PTP4A2: variants seen among roughly 807,000 people sequenced by gnomAD.
PTP4A2 encodes the protein protein tyrosine phosphatase 4A2.
A neutral mutation model predicts 22.9 loss-of-function variants in PTP4A2; 2 were observed. That is an observed-to-expected ratio of 0.09 (90% CI 0.04 to 0.27). The LOEUF (loss-of-function observed/expected upper bound fraction) is 0.27. Among genes scored for constraint, PTP4A2 ranks in the 10% least tolerant of loss-of-function variants. The pLI is 1.00. For missense variants in PTP4A2, 103 were observed against 205.1 expected (o/e 0.50, Z 3.04); for synonymous variants, 68 against 69.1 (o/e 0.98, Z 0.08).
At chr1:31,931,099 A>C (rs1652706663) in intron 1 of PTP4A2, 1 of 152,254 alleles carries the variant, frequency 6.6e-6, no homozygotes, top group Admixed American at 6.5e-5. Flanking sequence ...AAGCATTTGC[A>C]GAGACGTGTG....
intron 5 of PTP4A2, 102 bp from the exon 6 acceptor site, chr1:31,909,062 C>A: frequency 3.6e-6 from 3 of 830,194 alleles, no homozygotes; most frequent in East Asian, 5.0e-5. Flanking sequence ...TTCCACACAG[C>A]TGAAAACCAG....
At chr1:31,932,681 G>A (rs1209361550) in intron 1 of PTP4A2, 1 of 152,194 alleles carries the variant, frequency 6.6e-6, no homozygotes, top group Non-Finnish European at 1.5e-5. Flanking sequence ...CCTAAGTCCT[G>A]GTAACTCCAC....
chr1:31,926,320 T>C (rs1211174833), intron 1 of PTP4A2, among the ~76,000 whole-genome samples: 1 of 151,192 alleles, frequency 6.6e-6, no homozygotes, highest in South Asian at 2.1e-4. Flanking sequence ...AAAGGTACAA[T>C]AAAAGAATTC....
At chr1:31,916,056 C>T (rs953359117) in intron 2 of PTP4A2, 69 bp from the exon 3 acceptor site, 3 of 1,077,562 alleles carry the variant, frequency 2.8e-6, no homozygotes, top group Non-Finnish European at 4.0e-6. Flanking sequence ...TAGAAATGTA[C>T]TATTATAGGC....
At chr1:31,909,909 T>C in intron 5 of PTP4A2, 129 bp downstream of exon 5, 1 of 728,108 alleles carries the variant, frequency 1.4e-6, no homozygotes, top group Non-Finnish European at 2.2e-6. Context: ...ATTTTTTACA[T>C]CTTCAAATAA....
At chr1:31,917,239 T>G (rs1569597830) in intron 2 of PTP4A2, among the ~76,000 whole-genome samples, 1 of 152,212 alleles carries the variant, frequency 6.6e-6, no homozygotes, top group East Asian at 1.9e-4. Context: ...AGAATCAACT[T>G]GTACGCTGTG....
Position 31,916,001 on chromosome 1 carries a change from A to G in PTP4A2, c.97-14T>C. The G allele has an allele frequency of 6.5e-7, 1 of 1,533,518 alleles. No individual in the cohort carries two copies. 95.0% of individuals were successfully genotyped at this position (1,533,518 alleles called of 1,614,324 possible). On this transcript the variant is annotated splice_polypyrimidine_tract_variant and intron_variant, in intron 2 of 5. Transcript: ENST00000647444. ...CTTCTTAAGTTCCTTTAAAAAAAAA[A>G]AAAATTATAATGGAACTTGTTTTTG...
chr1:31,910,911 A>T (rs1569575507), intron 4 of PTP4A2: 1 of 152,232 alleles, frequency 6.6e-6, no homozygotes, highest in African/African-American at 2.4e-5. Flanking sequence ...CTATCTTTTT[A>T]AAAAAATTTA....
At chr1:31,915,351 C>A (rs1348387517) in intron 3 of PTP4A2, among the ~76,000 whole-genome samples, 2 of 151,734 alleles carry the variant, frequency 1.3e-5, no homozygotes, top group Non-Finnish European at 2.9e-5. Context: ...GTATTACTGC[C>A]AGGGTTTTTT....
Position 31,907,908 on chromosome 1 carries a change from C to T in PTP4A2, c.*944G>A, listed in dbSNP as rs1651262310. The stretch of plus-strand genomic sequence containing the variant: ...AGAAGACAAGTTTCTGGGATAACCA[C>T]TTAGCTTCATTGGTTAGGGAAGAGA... On this transcript the variant is annotated 3_prime_UTR_variant, in exon 6 of 6. Coordinates refer to ENST00000647444, the MANE Select transcript of PTP4A2 (RefSeq NM_080391.4). 6.6e-6 allele frequency: 1 copy of T among 151,220 alleles called. No homozygotes were observed. The highest frequency in any genetic ancestry group is 1.5e-5 in the Non-Finnish European group (1 of 67,878). The allele number at this position is 151,220 out of a possible 1,614,324, so 9.4% of individuals were successfully genotyped here.
chr1:31,922,580 A>AGGTT (rs1317265605), intron 1 of PTP4A2, among the ~76,000 whole-genome samples: 4 of 148,796 alleles, frequency 2.7e-5, no homozygotes, highest in Non-Finnish European at 4.5e-5. Context: ...ACAAAAACCC[A>AGGTT]GGTTTGTTTC....
intron 5 of PTP4A2, among the ~76,000 whole-genome samples, chr1:31,909,373 T>C (rs552396943): frequency 1.9e-4 from 29 of 152,178 alleles, no homozygotes; most frequent in African/African-American, 7.0e-4. Context: ...CCTGAATAGA[T>C]CACTTAAGAG....
intron 5 of PTP4A2, among the ~76,000 whole-genome samples, chr1:31,909,800 A>G (rs1053961516): frequency 1.3e-5 from 2 of 152,192 alleles, no homozygotes; most frequent in Non-Finnish European, 2.9e-5. Context: ...AGATTCCTAG[A>G]TACTCAAAAC....
At chr1:31,912,478 G>A (rs1177120087) in intron 3 of PTP4A2, among the ~76,000 whole-genome samples, 3 of 152,154 alleles carry the variant, frequency 2.0e-5, no homozygotes, top group African/African-American at 7.2e-5. Flanking sequence ...CTGGGCAAAT[G>A]GAGACCATTT....
intron 1 of PTP4A2, among the ~76,000 whole-genome samples, chr1:31,937,439 G>A (rs1445498899): frequency 6.6e-6 from 1 of 151,724 alleles, no homozygotes; most frequent in African/African-American, 2.4e-5. Flanking sequence ...CCAAGGGGAA[G>A]GGCCTCTAGG....
chr1:31,927,131 A>AGCCC (rs1652502050), intron 1 of PTP4A2, among the ~76,000 whole-genome samples: 2 of 152,226 alleles, frequency 1.3e-5, no homozygotes, highest in African/African-American at 2.4e-5. Flanking sequence ...CTCCAAATGA[A>AGCCC]GCCAATGAAG....
chr1:31,930,550 TG>T (rs1652683225), intron 1 of PTP4A2, among the ~76,000 whole-genome samples: 1 of 152,208 alleles, frequency 6.6e-6, no homozygotes, highest in Non-Finnish European at 1.5e-5. Context: ...TTATTTTGTT[TG>T]AGCCCCAGAA....
intron 4 of PTP4A2, 126 bp from the exon 5 acceptor site, chr1:31,910,238 G>T (rs1476647992): frequency 1.5e-6 from 1 of 666,106 alleles, no homozygotes; most frequent in East Asian, 2.7e-5. Context: ...AAAGTAGCTG[G>T]TATCTGCCTA....
rs1437081051 is a variant in PTP4A2 at position 31,908,096 on chromosome 1, C to CTAAA, written c.*752_*755dup. 1.2e-5 allele frequency: 1 copy of CTAAA among 81,212 alleles called. No homozygotes were observed. Among genetic ancestry groups the CTAAA allele is most frequent in the Admixed American group, 1.6e-4 (1 of 6,288 alleles). The allele number at this position is 81,212 out of a possible 1,614,324, so 5.0% of individuals were successfully genotyped here. On this transcript the variant is annotated 3_prime_UTR_variant, in exon 6 of 6. Coordinates refer to ENST00000647444, the MANE Select transcript of PTP4A2 (RefSeq NM_080391.4). The stretch of plus-strand genomic sequence containing the variant: ...ATGAACACCCTTTCATCAGTAAAGA[C>CTAAA]TAAAAACCACCTGGAAAATATATAT...
Sources: allele counts gnomAD v4.1 joint callset (sites outside exome capture counted in the v4.1 genomes callset), GRCh38; gene constraint gnomAD v4.1.1; transcripts MANE v1.5; gene names NCBI Gene and HGNC (gene_info 2026-07-23, HGNC 2026-07-21).